Variants in EZH2 observed in about 807,000 individuals in gnomAD.
EZH2 encodes enhancer of zeste 2 polycomb repressive complex 2 subunit.
In EZH2, 18 loss-of-function variants were observed where a neutral mutation model predicts 98.4. That is an observed-to-expected ratio of 0.18 (90% CI 0.13 to 0.27). The LOEUF (loss-of-function observed/expected upper bound fraction) is 0.27, where lower values mean the gene tolerates loss of function less well. Among genes scored for constraint, EZH2 ranks in the 10% least tolerant of loss-of-function variants. EZH2 has a pLI of 1.00. For missense variants in EZH2, 470 were observed against 935.1 expected, an observed-to-expected ratio of 0.50 and a Z score of 6.49; for synonymous variants, 338 against 312.3, an observed-to-expected ratio of 1.08 and a Z score of -0.87.
At chr7:148,835,408 C>T (rs542920463) in intron 3 of EZH2, among the ~76,000 whole-genome samples, 71 of 144,680 alleles carry the variant, frequency 4.9e-4, no homozygotes, top group African/African-American at 1.7e-3. Flanking sequence ...TGGGTGACGA[C>T]GGGAGACCCC....
rs545841075 is a variant in EZH2 at position 148,839,943 on chromosome 7, A to T, written c.246+6527T>A. ...CCAACACTGTAACAGCCAATTCACA[A>T]ATATAAACAAACAGTAACTGACATT... On this transcript the variant is annotated intron_variant, in intron 3 of 19. Transcript: ENST00000320356. Among the ~76,000 whole-genome samples, 774 of 152,352 alleles carry T rather than the reference A, an allele frequency of 5.1e-3. 11 individuals are homozygous for T. The highest frequency in any genetic ancestry group is 0.017 in the African/African-American group (705 of 41,582).
Position 148,818,566 on chromosome 7 carries a change from C to T in EZH2, c.1000-449G>A, listed in dbSNP as rs116770924. Among the ~76,000 whole-genome samples, 221 of 152,174 alleles carry T rather than the reference C, an allele frequency of 1.5e-3. 2 individuals carry two copies. The highest frequency in any genetic ancestry group is 5.2e-3 in the African/African-American group (215 of 41,506). ...ATGCAGAGTTTAAGATAATGCATAC[C>T]TCTTCGTGTTAATATTTCAACTATA... is the stretch of plus-strand genomic sequence containing the variant. On this transcript the variant is annotated intron_variant, in intron 9 of 19. Transcript: ENST00000320356.
rs2129465244 is a variant in EZH2 at position 148,807,632 on chromosome 7, G to A, written c.*14C>T. 5.0e-6 allele frequency: 8 copies of A among 1,588,450 alleles called. No individual in the cohort carries two copies. The highest frequency in any genetic ancestry group is 6.9e-6 in the Non-Finnish European group (8 of 1,165,790). Reference sequence around the variant, plus strand: ...GGCAGCTGTTTCAGAGGAGGGGGGAGGAGGTAGCAGATGTCAAGGGATTTC... The same window carrying A: ...GGCAGCTGTTTCAGAGGAGGGGGGAAGAGGTAGCAGATGTCAAGGGATTTC... On this transcript the variant is annotated 3_prime_UTR_variant, in exon 20 of 20. Transcript: ENST00000320356.
intron 1 of EZH2, among the ~76,000 whole-genome samples, chr7:148,868,798 G>C (rs1818910919): frequency 6.6e-6 from 1 of 151,968 alleles, no homozygotes. Flanking sequence ...TTCTTTATTT[G>C]AATAGCCCTA....
Position 148,827,239 on chromosome 7 carries a change from A to C in EZH2, c.653T>G (p.Phe218Cys). 1 of 1,613,850 alleles carries C rather than the reference A, an allele frequency of 6.2e-7. No individual in the cohort carries two copies. The highest frequency in any genetic ancestry group is 8.5e-7 in the Non-Finnish European group (1 of 1,179,874). ...DDKESRPPRK[F>C]PSDKIFEAIS... ...GGCTTCAAAAATTTTATCAGAAGGAAATTTCCGAGGTGGGCGGCTTTCTTT... is the reference window on the plus strand; with the variant it reads ...GGCTTCAAAAATTTTATCAGAAGGACATTTCCGAGGTGGGCGGCTTTCTTT... Residue 218 changes from phenylalanine (F) to cysteine (C), a missense_variant, in exon 7 of 20, where the codon TTT becomes TGT. Phe to Cys is a radical substitution (Grantham distance 205, BLOSUM62 -2). This residue lies in a region of EZH2 where 69 missense variants were observed against 78.3 expected (regional missense o/e 0.88). Transcript: ENST00000320356.
intron 1 of EZH2, among the ~76,000 whole-genome samples, chr7:148,858,389 TC>T (rs1312403175): frequency 1.3e-5 from 2 of 152,100 alleles, no homozygotes; most frequent in African/African-American, 4.8e-5. Flanking sequence ...AGGCTGGAGT[TC>T]CGTGGCCCGA....
At chr7:148,808,522 T>TA (rs1240353953) in intron 19 of EZH2, among the ~76,000 whole-genome samples, 1 of 152,226 alleles carries the variant, frequency 6.6e-6, no homozygotes, top group Non-Finnish European at 1.5e-5. Flanking sequence ...ACTGGCAGCC[T>TA]AATGCCTAAC....
At chr7:148,839,053 T>TAAGGAAGGAAGGAAGG (rs60020948) in intron 3 of EZH2, among the ~76,000 whole-genome samples, 12,967 of 107,534 alleles carry the variant, frequency 0.12, 1,147 homozygotes, top group East Asian at 0.16. Flanking sequence ...CTCTGTCAAA[T>TAAGGAAGGAAGGAAGG]AAGGAAGGAA....
rs747028969 is a variant in EZH2, at chr7:148,827,245, C to T, written c.647G>A (p.Arg216Gln). 8.7e-6 allele frequency: 14 copies of T among 1,613,066 alleles called. No individual in the cohort carries two copies. Among genetic ancestry groups the T allele is most frequent in the South Asian group, 7.7e-5 (7 of 90,988 alleles). The change falls in exon 7 of 20, where the codon CGG becomes CAG. Residue 216 changes from arginine to glutamine, a missense_variant. Around this residue, in one of 6 missense-constraint regions of EZH2, gnomAD observed 69 missense variants for 78.3 expected, o/e 0.88. Transcript: ENST00000320356. Reference protein sequence around the residue: ...HRDDKESRPPRKFPSDKIFEA... With the variant: ...HRDDKESRPPQKFPSDKIFEA... ...AAAAATTTTATCAGAAGGAAATTTC[C>T]GAGGTGGGCGGCTTTCTTTATCTAA... is the stretch of plus-strand genomic sequence containing the variant.
chr7:148,831,932 T>C (rs1809518463), intron 4 of EZH2, among the ~76,000 whole-genome samples: 1 of 152,258 alleles, frequency 6.6e-6, no homozygotes, highest in East Asian at 1.9e-4. Context: ...TTTCAGCTCA[T>C]GTTTCACAAG....
At chr7:148,863,957 T>G (rs1818073068) in intron 1 of EZH2, among the ~76,000 whole-genome samples, 1 of 152,182 alleles carries the variant, frequency 6.6e-6, no homozygotes, top group Non-Finnish European at 1.5e-5. Flanking sequence ...GAAAGCATAA[T>G]GAACAGCATT....
chr7:148,866,815 A>C (rs948304511), intron 1 of EZH2, among the ~76,000 whole-genome samples: 1 of 149,510 alleles, frequency 6.7e-6, no homozygotes, highest in African/African-American at 2.4e-5. Context: ...CCTGGGTTCA[A>C]GTGATTCTCC....
At chr7:148,830,018 T>TCACC (rs1808894401) in intron 4 of EZH2, among the ~76,000 whole-genome samples, 170 bp from the exon 5 acceptor site, 1 of 152,038 alleles carries the variant, frequency 6.6e-6, no homozygotes, top group Admixed American at 6.6e-5. Flanking sequence ...AAGACCCCTC[T>TCACC]CACCAATAAG....
At chr7:148,817,784 A>AC in intron 10 of EZH2, 93 bp downstream of exon 10, 2 of 1,538,438 alleles carry the variant, frequency 1.3e-6, no homozygotes, top group Non-Finnish European at 1.8e-6. Flanking sequence ...AAACTAACCA[A>AC]CTAAGAAAAT....
chr7:148,810,430 C>G lies in EZH2; in HGVS notation c.1948-16G>C, dbSNP rs532031013. The stretch of plus-strand genomic sequence containing the variant: ...GAGAAATAATCTAAAAAGAAAGACA[C>G]AGGAGAAAATTCTTTTGGATAAAGG... On this transcript the variant is annotated splice_polypyrimidine_tract_variant and intron_variant, in intron 16 of 19. Transcript: ENST00000320356. The G allele has an allele frequency of 6.3e-7, 1 of 1,583,740 alleles. No individual in the cohort carries two copies. The highest frequency in any genetic ancestry group is 1.7e-5 in the Admixed American group (1 of 59,826).
At chr7:148,835,659 T>A (rs960578981) in intron 3 of EZH2, among the ~76,000 whole-genome samples, 31 of 151,768 alleles carry the variant, frequency 2.0e-4, no homozygotes, top group South Asian at 2.1e-4. Context: ...AAAAAAAAAA[T>A]TCCGATTTTT....
chr7:148,853,678 T>C (rs1279498453), intron 1 of EZH2, among the ~76,000 whole-genome samples: 1 of 152,270 alleles, frequency 6.6e-6, no homozygotes, highest in Non-Finnish European at 1.5e-5. Flanking sequence ...TAAATAGTTG[T>C]TAAACTATTA....
At chr7:148,815,633 C>G in intron 12 of EZH2, 87 bp from the exon 13 acceptor site, 1 of 1,189,870 alleles carries the variant, frequency 8.4e-7, no homozygotes, top group Non-Finnish European at 1.3e-6. Context: ...CTATCTGTGC[C>G]ATGAATACAG....
intron 8 of EZH2, among the ~76,000 whole-genome samples, chr7:148,826,029 A>AAAAAT (rs760631483): frequency 1.7e-4 from 26 of 152,156 alleles, no homozygotes; most frequent in African/African-American, 3.6e-4. Flanking sequence ...CAGAGGGCAA[A>AAAAAT]AAAATAAAAT....
Sources: gnomAD v4.1 joint callset for allele counts (sites outside exome capture counted in the v4.1 genomes callset) on GRCh38, gnomAD v4.1.1 for gene constraint, gnomAD v4.1.1 regional missense constraint, MANE v1.5 for transcripts, NCBI Gene and HGNC (gene_info 2026-07-23, HGNC 2026-07-21) for gene names.